SPAG16: variants seen among roughly 807,000 people sequenced by gnomAD.
SPAG16 encodes the protein sperm associated antigen 16.
A neutral mutation model predicts 80.4 loss-of-function variants in SPAG16; 86 were observed. That is an observed-to-expected ratio of 1.07 (90% CI 0.90 to 1.28). The LOEUF is 1.28. SPAG16 is among the 50% of genes most tolerant of loss of function. SPAG16 has a pLI of 0.00. For missense variants in SPAG16, 870 were observed against 765.3 expected (o/e 1.14, Z -1.61); for synonymous variants, 294 against 265.9 (o/e 1.11, Z -1.03).
At chr2:213,615,963 G>C (rs2061580106) in intron 10 of SPAG16, among the ~76,000 whole-genome samples, 1 of 152,176 alleles carries the variant, frequency 6.6e-6, no homozygotes. Flanking sequence ...AAACATAGAT[G>C]ATGGGTTGAT....
intron 11 of SPAG16, among the ~76,000 whole-genome samples, chr2:213,884,042 GTCA>G (rs2076458515): frequency 6.6e-6 from 1 of 152,114 alleles, no homozygotes; most frequent in Non-Finnish European, 1.5e-5. Context: ...TTTTTATTCT[GTCA>G]TCATGTTGTT....
chr2:213,514,966 G>A (rs1024263815), intron 10 of SPAG16, among the ~76,000 whole-genome samples: 3 of 151,896 alleles, frequency 2.0e-5, no homozygotes, highest in Non-Finnish European at 4.4e-5. Context: ...AATTATAATT[G>A]TTCACTTATA....
At chr2:213,999,424 G>A (rs1290041330) in intron 12 of SPAG16, among the ~76,000 whole-genome samples, 1 of 152,176 alleles carries the variant, frequency 6.6e-6, no homozygotes, top group African/African-American at 2.4e-5. Flanking sequence ...GGGAACCTTT[G>A]CCTAGATTTG....
In SPAG16 at chr2:213,849,614, C is replaced by T. The variant is rs572000639; in HGVS notation, c.1071-12871C>T. ...CATTGAAGTGAATTCTATACTATAC[C>T]TCAGCATGTAAATTTACCTGAATTT... is the stretch of plus-strand genomic sequence containing the variant. On this transcript the variant is annotated intron_variant, in intron 10 of 15. Coordinates refer to ENST00000331683, the MANE Select transcript of SPAG16 (RefSeq NM_024532.5). Among the ~76,000 whole-genome samples the T allele has an allele frequency of 2.6e-5, 4 of 152,120 alleles. No homozygotes were observed. In the South Asian group the frequency reaches 8.3e-4, roughly 32 times the overall value.
intron 13 of SPAG16, among the ~76,000 whole-genome samples, chr2:214,044,407 C>T (rs1052099999): frequency 4.6e-5 from 7 of 152,174 alleles, no homozygotes; most frequent in Admixed American, 2.0e-4. Context: ...TCTGAAGTCA[C>T]GTCCACCCCT....
chr2:213,296,427 C>G (rs771362301), intron 2 of SPAG16, among the ~76,000 whole-genome samples: 31 of 152,192 alleles, frequency 2.0e-4, no homozygotes, highest in Non-Finnish European at 4.3e-4. Context: ...TTCCTGTCAT[C>G]CAGTCTGCTC....
chr2:213,592,392 A>T (rs1343790766), intron 10 of SPAG16, among the ~76,000 whole-genome samples: 1 of 152,224 alleles, frequency 6.6e-6, no homozygotes, highest in Non-Finnish European at 1.5e-5. Flanking sequence ...AAGGGTTTGT[A>T]AGTCTACATA....
In SPAG16 at chr2:214,261,065, CCA is replaced by C. The variant is rs749514359; in HGVS notation, c.1720+111801_1720+111802del. On this transcript the variant is annotated intron_variant, in intron 15 of 15. Transcript: ENST00000331683. The stretch of plus-strand genomic sequence containing the variant: ...GAGGTTGCAGTGAGCCGAGATCGCG[CCA>C]CTGCACTCCAGCCTGGGCTACAAGA... 7.4e-5 allele frequency among the ~76,000 whole-genome samples: 9 copies of C among 121,564 alleles called. No homozygotes were observed. In the East Asian group the frequency reaches 2.2e-3, roughly 30 times the overall value. The allele number at this position is 121,564 out of a possible 152,430, so 79.8% of individuals were successfully genotyped here.
At chr2:214,160,073 A>G (rs1001942318) in intron 15 of SPAG16, among the ~76,000 whole-genome samples, 13 of 152,000 alleles carry the variant, frequency 8.6e-5, no homozygotes, top group African/African-American at 2.4e-4. Context: ...ATGAATTTGC[A>G]GGTAATGACT....
chr2:213,558,614 C>T (rs2059505893), intron 10 of SPAG16, among the ~76,000 whole-genome samples: 1 of 151,880 alleles, frequency 6.6e-6, no homozygotes. Context: ...AAACTTTATC[C>T]TCAAGAGGTT....
intron 15 of SPAG16, among the ~76,000 whole-genome samples, chr2:214,368,443 A>G (rs1699617388): frequency 6.6e-6 from 1 of 152,140 alleles, no homozygotes; most frequent in African/African-American, 2.4e-5. Flanking sequence ...TTTCACAAGT[A>G]GAGACTTCAT....
chr2:213,864,373 C>T (rs2075601951), intron 11 of SPAG16, among the ~76,000 whole-genome samples: 1 of 152,022 alleles, frequency 6.6e-6, no homozygotes, highest in Non-Finnish European at 1.5e-5. Flanking sequence ...TTTCCTATCT[C>T]ATGGTATACT....
intron 12 of SPAG16, among the ~76,000 whole-genome samples, chr2:213,984,392 G>T (rs1463312146): frequency 6.6e-6 from 1 of 152,098 alleles, no homozygotes; most frequent in African/African-American, 2.4e-5. Context: ...ATGCTATGCA[G>T]TATATCAGAG....
chr2:213,998,391 C>G (rs1334593411), intron 12 of SPAG16, among the ~76,000 whole-genome samples: 1 of 152,150 alleles, frequency 6.6e-6, no homozygotes, highest in Non-Finnish European at 1.5e-5. Context: ...ATGGTTTTAT[C>G]AAGGGTTTTC....
intron 5 of SPAG16, among the ~76,000 whole-genome samples, chr2:213,338,313 C>T (rs990162150): frequency 6.6e-5 from 10 of 152,210 alleles, no homozygotes; most frequent in Admixed American, 6.5e-4. Flanking sequence ...GCAAACAAGT[C>T]TACAAAATAA....
intron 10 of SPAG16, among the ~76,000 whole-genome samples, chr2:213,613,429 C>T (rs761513712): frequency 6.6e-6 from 1 of 152,212 alleles, no homozygotes; most frequent in Non-Finnish European, 1.5e-5. Flanking sequence ...CCACCCCTTA[C>T]TGGTTTCCTT....
chr2:213,781,609 A>G (rs543448760), intron 10 of SPAG16, among the ~76,000 whole-genome samples: 1 of 152,276 alleles, frequency 6.6e-6, no homozygotes, highest in Admixed American at 6.5e-5. Context: ...TTCAAACGGA[A>G]AGCGGTATTT....
chr2:213,796,768 T>C (rs2071061806), intron 10 of SPAG16, among the ~76,000 whole-genome samples: 1 of 152,180 alleles, frequency 6.6e-6, no homozygotes, highest in South Asian at 2.1e-4. Context: ...ATAAAGTTAC[T>C]GGTTTATATA....
At chr2:213,329,253 A>T (rs942549220) in intron 5 of SPAG16, among the ~76,000 whole-genome samples, 1 of 152,202 alleles carries the variant, frequency 6.6e-6, no homozygotes, top group Non-Finnish European at 1.5e-5. Flanking sequence ...AGAGGTTGGA[A>T]CAGTTTGGAG....
Sources: gnomAD v4.1 joint callset for allele counts (sites outside exome capture counted in the v4.1 genomes callset) on GRCh38, gnomAD v4.1.1 for gene constraint, MANE v1.5 for transcripts, NCBI Gene and HGNC (gene_info 2026-07-23, HGNC 2026-07-21) for gene names.